Variants in CLASP1 observed in about 807,000 individuals in gnomAD.
CLASP1 encodes the protein CLIP-associating protein 1.
Under a neutral mutation model 192.3 loss-of-function variants are expected in CLASP1, and 38 were observed. The ratio of observed to expected loss-of-function variants is 0.20; its 90% CI spans 0.15 to 0.26. The LOEUF is 0.26. CLASP1 is among the 10% of genes least tolerant of loss of function. The pLI, the probability that CLASP1 is intolerant of heterozygous loss-of-function variation, is 1.00. For synonymous variants in CLASP1, 691 were observed against 712.8 expected, an observed-to-expected ratio of 0.97 and a Z score of 0.49; for missense variants, 1,433 against 1,932.5, an observed-to-expected ratio of 0.74 and a Z score of 4.85.
intron 8 of CLASP1, among the ~76,000 whole-genome samples, chr2:121,497,032 C>CA (rs2093562384): frequency 6.7e-6 from 1 of 148,502 alleles, no homozygotes; most frequent in African/African-American, 2.5e-5. Flanking sequence ...GTAGATCTCA[C>CA]AAAGGTAGAG....
chr2:121,515,864 T>C (rs2094276269), intron 6 of CLASP1, 102 bp from the exon 7 acceptor site: 1 of 847,668 alleles, frequency 1.2e-6, no homozygotes, highest in Non-Finnish European at 2.0e-6. Flanking sequence ...ATCACCATTT[T>C]ACCAGTGCAA....
intron 23 of CLASP1, among the ~76,000 whole-genome samples, chr2:121,413,177 T>A (rs1472635426): frequency 6.6e-6 from 1 of 152,124 alleles, no homozygotes; most frequent in Non-Finnish European, 1.5e-5. Context: ...GGAGGATCGC[T>A]TGAGCCCAGG....
At chr2:121,543,726 T>G (rs578145154) in intron 2 of CLASP1, among the ~76,000 whole-genome samples, 1 of 152,106 alleles carries the variant, frequency 6.6e-6, no homozygotes, top group Non-Finnish European at 1.5e-5. Flanking sequence ...CCAATCTGAA[T>G]AGTACTTTTT....
At chr2:121,595,283 G>A (rs2063000574) in intron 2 of CLASP1, among the ~76,000 whole-genome samples, 1 of 152,140 alleles carries the variant, frequency 6.6e-6, no homozygotes, top group Non-Finnish European at 1.5e-5. Context: ...TAAAGAATAG[G>A]AATAATCACA....
intron 7 of CLASP1, among the ~76,000 whole-genome samples, chr2:121,505,943 A>G (rs1206906881): frequency 6.6e-6 from 1 of 152,196 alleles, no homozygotes; most frequent in African/African-American, 2.4e-5. Context: ...ATATACTCAG[A>G]GCTTCTAGCA....
At chr2:121,360,276 C>T (rs1280927779) in intron 37 of CLASP1, among the ~76,000 whole-genome samples, 1 of 152,166 alleles carries the variant, frequency 6.6e-6, no homozygotes, top group South Asian at 2.1e-4. Flanking sequence ...GAGAACGAAG[C>T]TCCAAGAGAG....
intron 2 of CLASP1, among the ~76,000 whole-genome samples, chr2:121,594,904 T>A (rs1328385251): frequency 1.3e-5 from 2 of 149,566 alleles, no homozygotes; most frequent in African/African-American, 5.1e-5. Flanking sequence ...TACATGAAAA[T>A]TTTTTTAACT....
chr2:121,425,048 T>A, intron 22 of CLASP1, 91 bp downstream of exon 22: 1 of 1,280,440 alleles, frequency 7.8e-7, no homozygotes, highest in South Asian at 1.5e-5. Context: ...AAAATAGATC[T>A]ATATTTCCTA....
chr2:121,490,239 T>C (rs1198848477), intron 8 of CLASP1: 5 of 439,250 alleles, frequency 1.1e-5, no homozygotes, highest in South Asian at 3.3e-5. Flanking sequence ...GCAATAATTA[T>C]AAACACTTTT....
chr2:121,603,657 G>A (rs1191732740), intron 2 of CLASP1, among the ~76,000 whole-genome samples: 1 of 152,158 alleles, frequency 6.6e-6, no homozygotes, highest in Non-Finnish European at 1.5e-5. Context: ...ATTCACAACA[G>A]CAAAGAATCA....
At chr2:121,439,763 G>T (rs2082954335) in intron 19 of CLASP1, among the ~76,000 whole-genome samples, 1 of 151,316 alleles carries the variant, frequency 6.6e-6, no homozygotes, top group South Asian at 2.1e-4. Context: ...CATAAAAAAT[G>T]ATGAGTTCAT....
At chr2:121,536,378 G>GA (rs59632661) in intron 2 of CLASP1, among the ~76,000 whole-genome samples, 4,598 of 47,752 alleles carry the variant, frequency 0.096, 399 homozygotes, top group African/African-American at 0.18. Context: ...AAGACTGTCT[G>GA]AAAAAAAAAA....
At chr2:121,531,094 T>G (rs540477004) in intron 2 of CLASP1, 7 of 654,184 alleles carry the variant, frequency 1.1e-5, no homozygotes, top group Admixed American at 8.7e-5. Context: ...CAGTAGAGGG[T>G]GCACAAGACG....
chr2:121,600,588 G>C (rs961735912), intron 2 of CLASP1, among the ~76,000 whole-genome samples: 2 of 152,174 alleles, frequency 1.3e-5, no homozygotes, highest in Non-Finnish European at 2.9e-5. Flanking sequence ...TTTAGGCAGT[G>C]TTACTACTTT....
chr2:121,493,768 A>G (rs905485739), intron 8 of CLASP1, among the ~76,000 whole-genome samples: 2 of 152,222 alleles, frequency 1.3e-5, no homozygotes, highest in Non-Finnish European at 2.9e-5. Context: ...AAATAATTCA[A>G]TTTAAAAGTA....
intron 2 of CLASP1, among the ~76,000 whole-genome samples, chr2:121,549,777 G>A (rs1045144389): frequency 4.6e-5 from 7 of 150,708 alleles, no homozygotes; most frequent in Non-Finnish European, 8.8e-5. Flanking sequence ...AGGCAGAGGC[G>A]GGCAGATCAT....
chr2:121,346,643 G>T (rs972352618), intron 39 of CLASP1, among the ~76,000 whole-genome samples: 3 of 152,246 alleles, frequency 2.0e-5, no homozygotes, highest in Non-Finnish European at 2.9e-5. Flanking sequence ...GGCTCAAGGT[G>T]AGAGCCAGCT....
At chr2:121,575,048 A>G (rs1233316815) in intron 2 of CLASP1, among the ~76,000 whole-genome samples, 1 of 152,154 alleles carries the variant, frequency 6.6e-6, no homozygotes, top group Admixed American at 6.5e-5. Context: ...GCCATTCCAC[A>G]ATATTACATA....
chr2:121,528,763 C>T, exon 4 of CLASP1: 1 of 1,613,368 alleles, frequency 6.2e-7, no homozygotes, highest in East Asian at 2.2e-5. Flanking sequence ...CCTAGTCTGT[C>T]TATTAGACTT....
Sources: gnomAD v4.1 joint callset for allele counts (sites outside exome capture counted in the v4.1 genomes callset) on GRCh38, gnomAD v4.1.1 for gene constraint, MANE v1.5 for transcripts, NCBI Gene and HGNC (gene_info 2026-07-23, HGNC 2026-07-21) for gene names.